PTPRM: variants seen among roughly 807,000 people sequenced by gnomAD.
PTPRM encodes the protein protein tyrosine phosphatase receptor type M, also known as receptor-type tyrosine-protein phosphatase mu.
PTPRM carries 47 observed loss-of-function variants against 186.7 expected under a neutral mutation model. The observed-to-expected ratio is 0.25, with a 90% CI of 0.20 to 0.32. PTPRM has a LOEUF of 0.32. PTPRM is among the 10% of genes least tolerant of loss of function. The pLI, the probability that PTPRM is intolerant of heterozygous loss-of-function variation, is 1.00. For missense variants in PTPRM, 1,494 were observed against 1,865.0 expected (o/e 0.80, Z 3.66); for synonymous variants, 668 against 674.9 (o/e 0.99, Z 0.16).
chr18:8,042,328 T>A (rs543666505), intron 7 of PTPRM, among the ~76,000 whole-genome samples: 1 of 152,342 alleles, frequency 6.6e-6, no homozygotes, highest in Admixed American at 6.5e-5. Flanking sequence ...AACGTATTTA[T>A]CTTCTTTTAA....
intron 1 of PTPRM, among the ~76,000 whole-genome samples, chr18:7,649,202 C>G (rs1288228324): frequency 2.6e-5 from 4 of 152,084 alleles, no homozygotes; most frequent in African/African-American, 9.7e-5. Flanking sequence ...CTGTTGAGAT[C>G]TACTACTCAG....
Position 7,834,528 on chromosome 18 carries a change from A to ACACACACACACACACACACACACACT in PTPRM, c.197-53577_197-53576insACACACACACACACACACACACACTC, listed in dbSNP as rs763752808. Among the ~76,000 whole-genome samples the ACACACACACACACACACACACACACT allele has an allele frequency of 5.6e-4, 82 of 146,184 alleles. 1 individual carries two copies. Among genetic ancestry groups the ACACACACACACACACACACACACACT allele is most frequent in the African/African-American group, 1.9e-3 (74 of 38,506 alleles). ...CACACACACACACACACACACACAC[A>ACACACACACACACACACACACACACT]CTTCCAGACTCATTCTTTCAGGTCA... On this transcript the variant is annotated intron_variant, in intron 2 of 32. Coordinates refer to ENST00000580170, the MANE Select transcript of PTPRM (RefSeq NM_001105244.2).
At chr18:8,363,055 G>A (rs1038234791) in intron 23 of PTPRM, among the ~76,000 whole-genome samples, 2 of 152,136 alleles carry the variant, frequency 1.3e-5, no homozygotes, top group African/African-American at 2.4e-5. Flanking sequence ...TGCCCAGTCC[G>A]GGCTCTGCTT....
intron 2 of PTPRM, among the ~76,000 whole-genome samples, chr18:7,785,426 G>A (rs534486225): frequency 1.3e-5 from 2 of 151,812 alleles, no homozygotes; most frequent in African/African-American, 4.8e-5. Context: ...GCAGAAAAAA[G>A]TGTGTGTGTA....
intron 5 of PTPRM, among the ~76,000 whole-genome samples, chr18:7,945,784 G>A (rs976445347): frequency 6.6e-6 from 1 of 152,032 alleles, no homozygotes; most frequent in African/African-American, 2.4e-5. Context: ...GATATAGTGT[G>A]TGCCCCATAA....
intron 7 of PTPRM, among the ~76,000 whole-genome samples, chr18:7,977,869 A>T (rs2147393779): frequency 6.6e-6 from 1 of 152,328 alleles, no homozygotes; most frequent in East Asian, 1.9e-4. Flanking sequence ...GCAAACTCGT[A>T]GGCTTGAAAC....
rs140597322 is a variant in PTPRM at position 7,757,058 on chromosome 18, C to G, written c.74-17091C>G. On this transcript the variant is annotated intron_variant, in intron 1 of 32. Transcript: ENST00000580170. ...CCATGGCCTTCTCATAACGGGCCAC[C>G]TGTCCTCTGTTAAGGCTCTTTTGGA... 6.4e-3 allele frequency among the ~76,000 whole-genome samples: 974 copies of G among 152,278 alleles called. 3 individuals are homozygous for G. Among genetic ancestry groups the G allele is most frequent in the South Asian group, 0.015 (70 of 4,826 alleles).
chr18:7,915,035 G>A (rs2050475156), intron 4 of PTPRM, among the ~76,000 whole-genome samples: 1 of 152,172 alleles, frequency 6.6e-6, no homozygotes, highest in Non-Finnish European at 1.5e-5. Flanking sequence ...TTTGTTGCTA[G>A]TATTTGTATG....
At chr18:8,162,169 G>A in intron 14 of PTPRM, among the ~76,000 whole-genome samples, 1 of 149,616 alleles carries the variant, frequency 6.7e-6, no homozygotes, top group Non-Finnish European at 1.5e-5. Context: ...GCGCCATCTC[G>A]GCTCACTACA....
At chr18:7,946,896 C>T (rs181169979) in intron 5 of PTPRM, 96 of 455,752 alleles carry the variant, frequency 2.1e-4, no homozygotes, top group Admixed American at 1.2e-3. Context: ...CTGAAGCTGC[C>T]TGGGAGGAAG....
At chr18:8,046,070 A>C (rs923825744) in intron 7 of PTPRM, among the ~76,000 whole-genome samples, 2 of 151,982 alleles carry the variant, frequency 1.3e-5, no homozygotes, top group African/African-American at 2.4e-5. Flanking sequence ...CATGATAGTG[A>C]GTGAGTTTCA....
chr18:8,041,211 T>C (rs928052482), intron 7 of PTPRM, among the ~76,000 whole-genome samples: 3 of 152,216 alleles, frequency 2.0e-5, no homozygotes, highest in Non-Finnish European at 4.4e-5. Context: ...CTGTGAAGAT[T>C]GATACCATGG....
rs529383223 is a variant in PTPRM at position 7,956,691 on chromosome 18, G to T, written c.1132+1277G>T. Among the ~76,000 whole-genome samples the T allele has an allele frequency of 1.3e-3, 195 of 152,348 alleles. 2 individuals are homozygous for T. The highest frequency in any genetic ancestry group is 6.5e-4 in the Admixed American group (10 of 15,308). ...CAGCCCTGAGTGGTGGCTCTAAGGAGAAAGGAGAATTTCCCAATCCTTTCT... is the reference window on the plus strand; with the variant it reads ...CAGCCCTGAGTGGTGGCTCTAAGGATAAAGGAGAATTTCCCAATCCTTTCT... On this transcript the variant is annotated intron_variant, in intron 7 of 32. Coordinates refer to ENST00000580170, the MANE Select transcript of PTPRM (RefSeq NM_001105244.2).
intron 20 of PTPRM, among the ~76,000 whole-genome samples, chr18:8,296,935 CAT>C (rs1304534704): frequency 6.6e-6 from 1 of 152,148 alleles, no homozygotes; most frequent in Non-Finnish European, 1.5e-5. Context: ...TGATACTCCC[CAT>C]ATCACAACAC....
intron 22 of PTPRM, 149 bp from the exon 23 acceptor site, chr18:8,343,274 T>C (rs188323459): frequency 4.6e-5 from 24 of 521,612 alleles, no homozygotes; most frequent in African/African-American, 4.1e-4. Flanking sequence ...AGAAAGAGTA[T>C]CTTTTTGCAT....
At chr18:8,309,987 C>T (rs1385107933) in intron 20 of PTPRM, among the ~76,000 whole-genome samples, 1 of 152,124 alleles carries the variant, frequency 6.6e-6, no homozygotes, top group Non-Finnish European at 1.5e-5. Flanking sequence ...TGGTAAACAC[C>T]TCAGATTAAA....
intron 1 of PTPRM, among the ~76,000 whole-genome samples, chr18:7,658,126 CA>C (rs1360869653): frequency 1.3e-5 from 2 of 151,940 alleles, no homozygotes; most frequent in East Asian, 3.9e-4. Flanking sequence ...ATTACATCCC[CA>C]GAATTTGTTT....
intron 19 of PTPRM, among the ~76,000 whole-genome samples, chr18:8,262,106 C>T (rs2094638860): frequency 6.6e-6 from 1 of 152,156 alleles, no homozygotes; most frequent in African/African-American, 2.4e-5. Flanking sequence ...ATTGCCCCTG[C>T]CGCTCCCTCA....
intron 14 of PTPRM, among the ~76,000 whole-genome samples, chr18:8,209,164 G>C (rs541842255): frequency 6.6e-6 from 1 of 152,308 alleles, no homozygotes; most frequent in African/African-American, 2.4e-5. Flanking sequence ...AGAGTTTTCT[G>C]TGCTTGTCTC....
Sources: gnomAD v4.1 joint callset for allele counts (sites outside exome capture counted in the v4.1 genomes callset) on GRCh38, gnomAD v4.1.1 for gene constraint, MANE v1.5 for transcripts, NCBI Gene and HGNC (gene_info 2026-07-23, HGNC 2026-07-21) for gene names.